USH2A: variants seen among roughly 807,000 people sequenced by gnomAD.
USH2A encodes the protein Usher syndrome 2A (autosomal recessive, mild).
A neutral mutation model predicts 538.9 loss-of-function variants in USH2A; 443 were observed. The observed-to-expected ratio is 0.82, with a 90% confidence interval of 0.76 to 0.89. The LOEUF (loss-of-function observed/expected upper bound fraction) is 0.89. Ranked by LOEUF, USH2A falls within the 40% of genes least tolerant of loss-of-function variation. The pLI, the probability that USH2A is intolerant of heterozygous loss-of-function variation, is 0.00. For synonymous variants in USH2A, 2,413 were observed against 2,273.5 expected, an observed-to-expected ratio of 1.06 and a Z score of -1.75; for missense variants, 6,633 against 6,324.8, an observed-to-expected ratio of 1.05 and a Z score of -1.65.
chr1:216,327,804 T>C (rs780403822), intron 4 of USH2A, 150 bp from the exon 5 acceptor site: 59 of 904,278 alleles, frequency 6.5e-5, no homozygotes, highest in Non-Finnish European at 9.9e-5. Context: ...CAATCTCTAG[T>C]TTGCTAATTC....
At chr1:216,356,140 G>T (rs1269736216) in intron 4 of USH2A, among the ~76,000 whole-genome samples, 1 of 152,038 alleles carries the variant, frequency 6.6e-6, no homozygotes, top group African/African-American at 2.4e-5. Flanking sequence ...CTCATGCTTT[G>T]CTTCTCAGGC....
At chr1:215,988,350 T>G (rs907376757) in intron 35 of USH2A, among the ~76,000 whole-genome samples, 12 of 152,238 alleles carry the variant, frequency 7.9e-5, no homozygotes, top group African/African-American at 2.9e-4. Flanking sequence ...CAGAGCATAT[T>G]GTATGACAGG....
intron 56 of USH2A, among the ~76,000 whole-genome samples, chr1:215,760,171 G>A (rs1304795698): frequency 6.6e-6 from 1 of 152,142 alleles, no homozygotes; most frequent in African/African-American, 2.4e-5. Context: ...CCTGGAATAT[G>A]TGAAAGTAAG....
intron 26 of USH2A, among the ~76,000 whole-genome samples, chr1:216,081,860 G>C (rs2031955881): frequency 6.6e-6 from 1 of 151,798 alleles, no homozygotes; most frequent in Non-Finnish European, 1.5e-5. Context: ...GCCTCTAAAA[G>C]TGCTGGAATT....
At position 215,934,634 on chromosome 1, in the gene USH2A, T is replaced by C. The variant is rs1666444955; in HGVS notation, c.7282A>G (p.Ile2428Val). 6.2e-7 allele frequency: 1 copy of C among 1,612,112 alleles called. No homozygotes were observed. The highest frequency in any genetic ancestry group is 1.3e-5 in the African/African-American group (1 of 74,812). ...GACTTACCTCCTGGAGGCATTGCAA[T>C]TGTTATAGGATCAGTTATCAAGCTG... ...QGSLITDPITIAMPPGAPDGV... is the reference protein window; with the variant it reads ...QGSLITDPITVAMPPGAPDGV... Residue 2428 changes from isoleucine to valine, a missense_variant, in exon 38 of 72, where the codon ATT (isoleucine) becomes GTT (valine). Coordinates refer to ENST00000307340, the MANE Select transcript of USH2A (RefSeq NM_206933.4).
chr1:216,251,733 C>G (rs1255698216), intron 11 of USH2A, among the ~76,000 whole-genome samples: 1 of 152,118 alleles, frequency 6.6e-6, no homozygotes, highest in Non-Finnish European at 1.5e-5. Context: ...AATCACTGCA[C>G]CCAGCCCACC....
At chr1:216,004,595 CA>C (rs1037894159) in intron 32 of USH2A, among the ~76,000 whole-genome samples, 1 of 151,944 alleles carries the variant, frequency 6.6e-6, no homozygotes, top group African/African-American at 2.4e-5. Context: ...GAATTAGAAA[CA>C]GTGAATAAAA....
intron 32 of USH2A, among the ~76,000 whole-genome samples, chr1:216,038,585 G>T (rs2030106087): frequency 6.6e-6 from 1 of 151,986 alleles, no homozygotes; most frequent in South Asian, 2.1e-4. Flanking sequence ...CCTGAGTCAA[G>T]ATTTGAGGCC....
intron 61 of USH2A, among the ~76,000 whole-genome samples, chr1:215,700,843 C>T (rs1187251001): frequency 6.6e-6 from 1 of 152,090 alleles, no homozygotes; most frequent in Non-Finnish European, 1.5e-5. Context: ...TTCTTGTCTT[C>T]TGGTAGCTTT....
chr1:216,151,121 G>A lies in USH2A; in HGVS notation c.4627+24131C>T, dbSNP rs901116289. 2.0e-5 allele frequency among the ~76,000 whole-genome samples: 3 copies of A among 151,962 alleles called. 1 individual carries two copies. Among genetic ancestry groups the A allele is most frequent in the South Asian group, 4.2e-4 (2 of 4,812 alleles). On this transcript the variant is annotated intron_variant, in intron 21 of 71. Transcript: ENST00000307340. ...GAAAGGTTGCTCGTAGATACTCAAC[G>A]TTTTCTCATACACCATGAAAATCGA...
intron 21 of USH2A, among the ~76,000 whole-genome samples, chr1:216,150,666 A>C (rs1250837275): frequency 6.6e-6 from 1 of 152,062 alleles, no homozygotes; most frequent in Non-Finnish European, 1.5e-5. Context: ...CAGACATTTC[A>C]CATCAGCAAG....
chr1:215,692,944 C>G (rs1186122987), intron 61 of USH2A, among the ~76,000 whole-genome samples: 1 of 151,272 alleles, frequency 6.6e-6, no homozygotes, highest in Non-Finnish European at 1.5e-5. Flanking sequence ...CACTCTGTTG[C>G]CCGGGTTGGA....
chr1:215,793,291 C>G (rs1040880696), intron 50 of USH2A, among the ~76,000 whole-genome samples: 4 of 151,912 alleles, frequency 2.6e-5, no homozygotes, highest in African/African-American at 9.7e-5. Flanking sequence ...AAAATCCAGT[C>G]TGGAATATGA....
At chr1:216,175,512 A>C (rs1277941678) in intron 20 of USH2A, 30 bp from the exon 21 acceptor site, 1 of 1,610,398 alleles carries the variant, frequency 6.2e-7, no homozygotes, top group Non-Finnish European at 8.5e-7. Context: ...TGTTATATTC[A>C]AGAATTTGGT....
intron 36 of USH2A, 62 bp from the exon 37 acceptor site, chr1:215,965,541 G>A: frequency 6.3e-7 from 1 of 1,578,898 alleles, no homozygotes; most frequent in South Asian, 1.1e-5. Flanking sequence ...TTCGCTTTGA[G>A]CATATTTCTT....
intron 61 of USH2A, among the ~76,000 whole-genome samples, chr1:215,710,698 T>C (rs990973890): frequency 3.9e-5 from 6 of 152,148 alleles, no homozygotes; most frequent in African/African-American, 1.4e-4. Context: ...GAAACAAATA[T>C]TGACTTTTAA....
chr1:215,899,479 A>T (rs1665435868), intron 40 of USH2A, among the ~76,000 whole-genome samples: 1 of 152,232 alleles, frequency 6.6e-6, no homozygotes, highest in African/African-American at 2.4e-5. Context: ...ATTTATTCCC[A>T]AATATAATCT....
chr1:216,421,799 A>C, intron 2 of USH2A, 53 bp downstream of exon 2: 1 of 1,613,182 alleles, frequency 6.2e-7, no homozygotes, highest in Non-Finnish European at 8.5e-7. Flanking sequence ...AATGATCTTC[A>C]CTACTACTGG....
At chr1:215,831,753 A>C (rs1032214371) in intron 47 of USH2A, among the ~76,000 whole-genome samples, 1 of 152,094 alleles carries the variant, frequency 6.6e-6, no homozygotes, top group Non-Finnish European at 1.5e-5. Flanking sequence ...GAAAGTTTTC[A>C]TCTTTAAGAA....
Sources: allele counts gnomAD v4.1 joint callset (sites outside exome capture counted in the v4.1 genomes callset), GRCh38; gene constraint gnomAD v4.1.1; transcripts MANE v1.5; gene names NCBI Gene and HGNC (gene_info 2026-07-23, HGNC 2026-07-21).